The following WDR72 variants were observed in gnomAD, a reference collection of about 807,000 sequenced individuals.
WDR72 encodes the protein WD repeat domain 72.
In WDR72, 120 loss-of-function variants were observed where a neutral mutation model predicts 124.2. The ratio of observed to expected loss-of-function variants is 0.97; its 90% CI spans 0.83 to 1.12. The LOEUF is 1.12. Ranked by LOEUF, WDR72 falls within the 50% of genes most tolerant of loss-of-function variation. The pLI is 0.00. For synonymous variants in WDR72, 452 were observed against 441.7 expected (o/e 1.02, Z -0.29); for missense variants, 1,387 against 1,278.8 (o/e 1.08, Z -1.29).
At chr15:53,658,243 TTTTTTTTCCTC>T in intron 14 of WDR72, among the ~76,000 whole-genome samples, 2 of 152,190 alleles carry the variant, frequency 1.3e-5, no homozygotes, top group South Asian at 4.1e-4. Flanking sequence ...CCTTGGAGCA[TTTTTTTTCCTC>T]ATCTTAAATA....
chr15:53,706,601 C>T (rs2017387634), intron 9 of WDR72, among the ~76,000 whole-genome samples: 1 of 151,426 alleles, frequency 6.6e-6, no homozygotes, highest in South Asian at 2.1e-4. Flanking sequence ...TGTCTTGATG[C>T]TAAAGATGTC....
intron 18 of WDR72, among the ~76,000 whole-genome samples, chr15:53,540,105 A>G (rs891461443): frequency 1.3e-5 from 2 of 152,218 alleles, no homozygotes; most frequent in Non-Finnish European, 2.9e-5. Context: ...ATATATGTGT[A>G]AGTAATAACA....
chr15:53,595,883 C>T (rs989453072), intron 18 of WDR72, among the ~76,000 whole-genome samples: 27 of 152,092 alleles, frequency 1.8e-4, no homozygotes, highest in Non-Finnish European at 2.5e-4. Flanking sequence ...CTTAAAATAA[C>T]CATCTAGCTT....
chr15:53,743,278 TAG>T (rs1314036515), intron 1 of WDR72, among the ~76,000 whole-genome samples: 1 of 152,118 alleles, frequency 6.6e-6, no homozygotes, highest in Non-Finnish European at 1.5e-5. Context: ...GTTTAATTTA[TAG>T]AGTTTAATTA....
At chr15:53,559,377 G>A (rs1894050376) in intron 18 of WDR72, among the ~76,000 whole-genome samples, 1 of 152,140 alleles carries the variant, frequency 6.6e-6, no homozygotes, top group Non-Finnish European at 1.5e-5. Flanking sequence ...AAGATTAGGT[G>A]AAGATCAGTC....
intron 13 of WDR72, among the ~76,000 whole-genome samples, chr15:53,669,737 T>G (rs996550867): frequency 1.1e-4 from 17 of 152,190 alleles, no homozygotes; most frequent in Non-Finnish European, 2.1e-4. Flanking sequence ...AAGGGAGGTA[T>G]GACTACAAGG....
intron 18 of WDR72, among the ~76,000 whole-genome samples, chr15:53,579,209 T>C (rs1190419036): frequency 6.6e-6 from 1 of 152,056 alleles, no homozygotes; most frequent in Non-Finnish European, 1.5e-5. Context: ...CACTGCATCA[T>C]TGAAGGGTTT....
At chr15:53,532,960 C>T (rs62005873) in intron 18 of WDR72, among the ~76,000 whole-genome samples, 26,125 of 151,976 alleles carry the variant, frequency 0.17, 2,586 homozygotes, top group Middle Eastern at 0.24. Flanking sequence ...CCTAAGTATA[C>T]GTAATAAGAA....
chr15:53,715,813 C>T (rs529772244), intron 4 of WDR72, among the ~76,000 whole-genome samples: 44 of 152,254 alleles, frequency 2.9e-4, no homozygotes, highest in Non-Finnish European at 6.2e-4. Context: ...AAGACCCTGT[C>T]TCTTAAAGAG....
rs559408616 is a variant in WDR72 at position 53,544,019 on chromosome 15, A to G, written c.3149-20697T>C. ...GGAGCTGAAATTGTGGCAATAATCA[A>G]TAGTTTACCAACCAAAAAGAGTCCA... On this transcript the variant is annotated intron_variant, in intron 18 of 19. Transcript: ENST00000360509. Among the ~76,000 whole-genome samples the G allele has an allele frequency of 3.8e-4, 57 of 150,996 alleles. No homozygotes were observed. In the East Asian group the frequency reaches 0.011, roughly 28 times the overall value.
intron 11 of WDR72, among the ~76,000 whole-genome samples, chr15:53,703,526 A>G (rs2017248780): frequency 6.6e-6 from 1 of 151,776 alleles, no homozygotes; most frequent in African/African-American, 2.4e-5. Flanking sequence ...AAAATTTAGG[A>G]TAATAATATT....
chr15:53,586,768 C>G (rs920940421), intron 18 of WDR72, among the ~76,000 whole-genome samples: 2 of 152,006 alleles, frequency 1.3e-5, no homozygotes, highest in African/African-American at 4.8e-5. Flanking sequence ...GACAGAATGG[C>G]TGATGATTTA....
rs764502951 is a variant in WDR72 at position 53,702,292 on chromosome 15, G to A, written c.1411C>T (p.His471Tyr). 6.2e-7 allele frequency: 1 copy of A among 1,614,088 alleles called. No individual in the cohort carries two copies. The highest frequency in any genetic ancestry group is 1.7e-5 in the Admixed American group (1 of 60,024). Residue 471 changes from histidine to tyrosine, a missense_variant, in exon 12 of 20, where the codon CAT becomes TAT. By Grantham distance (83) the His-to-Tyr change is moderately conservative (BLOSUM62 2). Coordinates refer to ENST00000360509, the MANE Select transcript of WDR72 (RefSeq NM_182758.4). ...HQSVTSLLYP[H>Y]GLSSKLDQSW... ...TGGTCTAATTTCGAAGAGAGACCAT[G>A]TGGATAGAGTAATGAAGTGACACTT...
At chr15:53,719,805 C>G (rs920755478) in intron 3 of WDR72, among the ~76,000 whole-genome samples, 1 of 152,170 alleles carries the variant, frequency 6.6e-6, no homozygotes, top group African/African-American at 2.4e-5. Context: ...ACAAACTCTG[C>G]AGGTGATTCT....
At chr15:53,732,775 T>G (rs2018238154) in intron 2 of WDR72, among the ~76,000 whole-genome samples, 1 of 152,226 alleles carries the variant, frequency 6.6e-6, no homozygotes, top group Non-Finnish European at 1.5e-5. Context: ...CACTTAGCTG[T>G]AGCTAAGATT....
At chr15:53,601,622 C>G (rs1448055991) in intron 17 of WDR72, among the ~76,000 whole-genome samples, 1 of 151,584 alleles carries the variant, frequency 6.6e-6, no homozygotes, top group Admixed American at 6.6e-5. Context: ...CATGTCAACT[C>G]TCAAAATAAA....
intron 14 of WDR72, among the ~76,000 whole-genome samples, chr15:53,620,203 T>C (rs1291204094): frequency 2.6e-5 from 4 of 152,060 alleles, no homozygotes; most frequent in African/African-American, 9.7e-5. Flanking sequence ...CAATAAGCTG[T>C]AAATAACTTA....
chr15:53,591,627 T>C (rs947720657), intron 18 of WDR72, among the ~76,000 whole-genome samples: 19 of 151,120 alleles, frequency 1.3e-4, no homozygotes, highest in Non-Finnish European at 4.4e-5. Context: ...CACACAAAAA[T>C]AGAAATTCCA....
At chr15:53,733,302 C>A in intron 1 of WDR72, 141 bp from the exon 2 acceptor site, 1 of 869,028 alleles carries the variant, frequency 1.2e-6, no homozygotes, top group Non-Finnish European at 1.8e-6. Context: ...GTTTCCCCGT[C>A]AATTAGAAGA....
Sources: gnomAD v4.1 joint callset for allele counts (sites outside exome capture counted in the v4.1 genomes callset) on GRCh38, gnomAD v4.1.1 for gene constraint, MANE v1.5 for transcripts, NCBI Gene and HGNC (gene_info 2026-07-23, HGNC 2026-07-21) for gene names.